Variants in ROBO1 observed in about 807,000 individuals in gnomAD.
The protein encoded by ROBO1 is roundabout homolog 1.
Under a neutral mutation model 195.9 loss-of-function variants are expected in ROBO1, and 149 were observed. The observed-to-expected ratio is 0.76, with a 90% CI of 0.67 to 0.87. The LOEUF (loss-of-function observed/expected upper bound fraction) is 0.87, where lower values mean the gene tolerates loss of function less well. Among genes scored for constraint, ROBO1 ranks in the 40% least tolerant of loss-of-function variants. The pLI, the probability that ROBO1 is intolerant of heterozygous loss-of-function variation, is 0.00. For missense variants in ROBO1, 1,933 were observed against 2,068.3 expected (o/e 0.93, Z 1.27); for synonymous variants, 816 against 733.2 (o/e 1.11, Z -1.82).
At chr3:78,777,783 G>C (rs2108462689) in intron 4 of ROBO1, among the ~76,000 whole-genome samples, 1 of 152,302 alleles carries the variant, frequency 6.6e-6, no homozygotes, top group Admixed American at 6.5e-5. Context: ...TCTGCAAACA[G>C]AGACGATTTG....
intron 1 of ROBO1, among the ~76,000 whole-genome samples, chr3:79,706,444 C>A (rs1947772137): frequency 6.6e-6 from 1 of 151,954 alleles, no homozygotes; most frequent in Non-Finnish European, 1.5e-5. Flanking sequence ...TGATAGATTA[C>A]ATTAATTAAA....
intron 2 of ROBO1, among the ~76,000 whole-genome samples, chr3:79,519,306 TG>T (rs1250316616): frequency 6.6e-6 from 1 of 152,074 alleles, no homozygotes. Flanking sequence ...TGGCCAAACC[TG>T]ATATTGATGG....
intron 2 of ROBO1, among the ~76,000 whole-genome samples, chr3:79,491,302 A>G (rs1343923733): frequency 6.6e-6 from 1 of 150,510 alleles, no homozygotes; most frequent in Non-Finnish European, 1.5e-5. Context: ...ACAAACTTTC[A>G]TTTTTGGCTT....
intron 2 of ROBO1, among the ~76,000 whole-genome samples, chr3:79,490,195 A>C (rs1939379560): frequency 6.6e-6 from 1 of 152,166 alleles, no homozygotes; most frequent in Non-Finnish European, 1.5e-5. Context: ...AAAAAGTTAA[A>C]AATTGTGTAT....
chr3:79,348,994 G>C (rs868484484), intron 2 of ROBO1, among the ~76,000 whole-genome samples: 43 of 152,238 alleles, frequency 2.8e-4, no homozygotes, highest in African/African-American at 9.9e-4. Context: ...AAACAACACT[G>C]TATAGAACAA....
chr3:79,754,685 G>C (rs1288155740), intron 1 of ROBO1, among the ~76,000 whole-genome samples: 1 of 152,108 alleles, frequency 6.6e-6, no homozygotes, highest in Non-Finnish European at 1.5e-5. Flanking sequence ...CAGAAAAACA[G>C]GCAAGGCTTT....
chr3:78,977,297 T>C (rs1230631477), intron 3 of ROBO1, among the ~76,000 whole-genome samples: 1 of 152,132 alleles, frequency 6.6e-6, no homozygotes, highest in East Asian at 1.9e-4. Flanking sequence ...TGCTTTTTAC[T>C]CACACACTTC....
intron 2 of ROBO1, among the ~76,000 whole-genome samples, chr3:79,159,259 C>A (rs1382803192): frequency 3.3e-5 from 5 of 151,888 alleles, no homozygotes; most frequent in African/African-American, 1.2e-4. Context: ...GCTGTCAGGA[C>A]AACATGCAAT....
At chr3:78,645,007 T>C (rs1706189895) in intron 21 of ROBO1, among the ~76,000 whole-genome samples, 1 of 152,150 alleles carries the variant, frequency 6.6e-6, no homozygotes, top group African/African-American at 2.4e-5. Context: ...GTGATTTAGA[T>C]GGAATTCCCC....
chr3:79,082,188 T>C (rs2079286515), intron 3 of ROBO1, among the ~76,000 whole-genome samples: 1 of 152,138 alleles, frequency 6.6e-6, no homozygotes, highest in African/African-American at 2.4e-5. Flanking sequence ...TAAAAAGAAA[T>C]TCCATAGCTA....
At chr3:78,906,078 T>C (rs765354231) in intron 4 of ROBO1, among the ~76,000 whole-genome samples, 1 of 152,182 alleles carries the variant, frequency 6.6e-6, no homozygotes, top group South Asian at 2.1e-4. Context: ...TTTTGTTTTA[T>C]ATATATTGCT....
At chr3:79,021,503 T>G (rs1008308504) in intron 3 of ROBO1, among the ~76,000 whole-genome samples, 14 of 152,176 alleles carry the variant, frequency 9.2e-5, no homozygotes, top group African/African-American at 3.4e-4. Context: ...TTCCCCCAAA[T>G]GGATCTCCTG....
Position 79,493,694 on chromosome 3 carries a change from AT to A in ROBO1, c.88+96129del, listed in dbSNP as rs1404133117. On this transcript the variant is annotated intron_variant, in intron 2 of 30. Coordinates refer to ENST00000464233, the MANE Select transcript of ROBO1 (RefSeq NM_002941.4). ...TTTTATACCAAAGGTAAGCTTTTAAATTTTTTATTTTTAATTTTTATGGGTA... is the reference window on the plus strand; with the variant it reads ...TTTTATACCAAAGGTAAGCTTTTAAATTTTTATTTTTAATTTTTATGGGTA... Among the ~76,000 whole-genome samples the A allele has an allele frequency of 3.4e-4, 52 of 152,138 alleles. 1 individual carries two copies. The highest frequency in any genetic ancestry group is 5.4e-4 in the Non-Finnish European group (37 of 67,950).
intron 3 of ROBO1, among the ~76,000 whole-genome samples, chr3:78,944,372 T>C (rs1275112031): frequency 6.6e-6 from 1 of 152,238 alleles, no homozygotes. Context: ...CTGCTCTCTT[T>C]TTCTCTCTCT....
rs548778542 is a variant in ROBO1 at position 79,089,913 on chromosome 3, T to C, written c.172+35543A>G. ...GTTTGCATTTTGGAGAAATAAACATTGATATATATCATCCAGTTATTCTTT... is the reference window on the plus strand; with the variant it reads ...GTTTGCATTTTGGAGAAATAAACATCGATATATATCATCCAGTTATTCTTT... On this transcript the variant is annotated intron_variant, in intron 3 of 30. Transcript: ENST00000464233. Among the ~76,000 whole-genome samples, 108 of 151,392 alleles carry C rather than the reference T, an allele frequency of 7.1e-4. 2 individuals are homozygous for C. Among genetic ancestry groups the C allele is most frequent in the Non-Finnish European group, 4.6e-4 (31 of 67,916 alleles).
intron 3 of ROBO1, among the ~76,000 whole-genome samples, chr3:78,983,228 G>A (rs983757418): frequency 6.6e-6 from 1 of 152,188 alleles, no homozygotes; most frequent in African/African-American, 2.4e-5. Flanking sequence ...CTATCTATTA[G>A]AGCTAAATGT....
At position 78,741,743 on chromosome 3, in the gene ROBO1, G is replaced by A. The variant is rs1389160482; in HGVS notation, c.657+5000C>T. Among the ~76,000 whole-genome samples, 3 of 152,072 alleles carry A rather than the reference G, an allele frequency of 2.0e-5. No individual in the cohort carries two copies. The East Asian group carries it at 5.8e-4, about 29-fold the overall frequency. ...TATTAACAATGATGGATATGATTAA[G>A]TCTCAAACACATGAAGTAAATCAAT... On this transcript the variant is annotated intron_variant, in intron 5 of 30. Coordinates refer to ENST00000464233, the MANE Select transcript of ROBO1 (RefSeq NM_002941.4).
At chr3:79,395,173 A>G (rs916519586) in intron 2 of ROBO1, among the ~76,000 whole-genome samples, 1 of 151,766 alleles carries the variant, frequency 6.6e-6, no homozygotes, top group Non-Finnish European at 1.5e-5. Flanking sequence ...AATACAAAAA[A>G]TTCTCCGGGC....
At chr3:79,415,305 T>C (rs1185589730) in intron 2 of ROBO1, among the ~76,000 whole-genome samples, 2 of 152,176 alleles carry the variant, frequency 1.3e-5, no homozygotes, top group Non-Finnish European at 2.9e-5. Context: ...TGTATAATAA[T>C]ATCTTACTTT....
Sources: allele counts gnomAD v4.1 joint callset (sites outside exome capture counted in the v4.1 genomes callset), GRCh38; gene constraint gnomAD v4.1.1; transcripts MANE v1.5; gene names NCBI Gene and HGNC (gene_info 2026-07-23, HGNC 2026-07-21).